The following CACNA1H variants were observed in gnomAD, a reference collection of about 807,000 sequenced individuals.
CACNA1H encodes calcium voltage-gated channel subunit alpha1 H, also known as voltage-dependent T-type calcium channel subunit alpha-1H.
A neutral mutation model predicts 192.5 loss-of-function variants in CACNA1H; 149 were observed. The ratio of observed to expected loss-of-function variants is 0.77; its 90% CI spans 0.68 to 0.89. The LOEUF is 0.89. Among genes scored for constraint, CACNA1H ranks in the 40% least tolerant of loss-of-function variants. The probability of loss-of-function intolerance (pLI) is 0.00; values close to 1 mark genes in which losing one functional copy is unlikely to be tolerated. For missense variants in CACNA1H, 4,257 were observed against 3,423.5 expected (o/e 1.24, Z -6.08); for synonymous variants, 2,202 against 1,475.2 (o/e 1.49, Z -11.29).
In CACNA1H at chr16:1,204,356, C is replaced by T. The variant is rs367722258; in HGVS notation, c.2349C>T (p.Ser783=). Residue 783 remains serine, a synonymous_variant, in exon 10 of 35, where the codon AGC becomes AGT. Transcript: ENST00000348261. ...GWMGRLWVTF[S]GKLRRIVDSK... is the part of the protein sequence containing the mutation. ...TGGGCCGCCTCTGGGTTACCTTCAG[C>T]GGCAAGCTGCGCCGCATCGTGGACA... The T allele has an allele frequency of 8.2e-5, 129 of 1,577,238 alleles. No homozygotes were observed. Among genetic ancestry groups the T allele is most frequent in the African/African-American group, 5.4e-4 (40 of 74,056 alleles).
intron 9 of CACNA1H, 58 bp from the exon 10 acceptor site, chr16:1,203,952 G>A (rs897327793): frequency 3.2e-5 from 43 of 1,330,422 alleles, no homozygotes; most frequent in Admixed American, 7.4e-5. Flanking sequence ...GAGGGTTCCC[G>A]GGCCCTTGTG....
In CACNA1H at chr16:1,195,947, C is replaced by T. The variant is rs1175587489; in HGVS notation, c.567C>T (p.Asp189=). ...VVAGMMEYSL[D]GHNVSLSAIR... ...CCAGCATGATGGAGTACTCGTTGGA[C>T]GGACACAACGTGAGCCTCTCGGCTA... The change falls in exon 5 of 35, where the codon GAC becomes GAT. Residue 189 remains aspartate, a synonymous_variant. Transcript: ENST00000348261. The T allele has an allele frequency of 6.2e-7, 1 of 1,613,064 alleles. No individual in the cohort carries two copies. Among genetic ancestry groups the T allele is most frequent in the Non-Finnish European group, 8.5e-7 (1 of 1,179,780 alleles).
In CACNA1H at chr16:1,204,140, G is replaced by C. The variant is rs560783884; in HGVS notation, c.2133G>C (p.Glu711Asp). The C allele has an allele frequency of 4.3e-6, 7 of 1,612,330 alleles. No homozygotes were observed. Among genetic ancestry groups the C allele is most frequent in the Non-Finnish European group, 5.9e-6 (7 of 1,179,770 alleles). The change falls in exon 10 of 35, where the codon GAG becomes GAC. Residue 711 changes from glutamate (E) to aspartate (D), a missense_variant. Physicochemically the swap from Glu to Asp is conservative, Grantham distance 45. Transcript: ENST00000348261. ...PYCTRALEDP[E>D]GELSGSESGD... ...GCACCCGTGCCCTGGAGGACCCGGA[G>C]GGTGAGCTCAGCGGCTCGGAAAGTG...
chr16:1,197,154 C>T (rs940835606), intron 5 of CACNA1H, among the ~76,000 whole-genome samples: 1 of 152,222 alleles, frequency 6.6e-6, no homozygotes, highest in East Asian at 1.9e-4. Flanking sequence ...CCTGCCTTGG[C>T]TCTACTGTGT....
At chr16:1,194,354 C>T (rs1966842193) in intron 2 of CACNA1H, among the ~76,000 whole-genome samples, 1 of 152,196 alleles carries the variant, frequency 6.6e-6, no homozygotes, top group Non-Finnish European at 1.5e-5. Context: ...CCTCCTGGGT[C>T]CACAGTCAGC....
At chr16:1,211,669 C>T (rs752683235) in intron 23 of CACNA1H, 47 bp from the exon 24 acceptor site, 31 of 1,609,882 alleles carry the variant, frequency 1.9e-5, no homozygotes, top group East Asian at 1.1e-4. Flanking sequence ...AGAGGGCCGG[C>T]GACCCCAGCT....
Position 1,177,294 on chromosome 16 carries a change from G to A in CACNA1H, c.300-17678G>A, listed in dbSNP as rs372104029. ...TCCAGGGCCGGGTCCCCTGCTGCCC[G>A]GGCCTCAGCCCCGGCTCTGACATTT... On this transcript the variant is annotated intron_variant, in intron 2 of 34. Coordinates refer to ENST00000348261, the MANE Select transcript of CACNA1H (RefSeq NM_021098.3). Among the ~76,000 whole-genome samples the A allele has an allele frequency of 3.7e-4, 56 of 152,338 alleles. No individual in the cohort carries two copies. In the East Asian group the frequency reaches 9.5e-3, roughly 26 times the overall value.
In CACNA1H at chr16:1,202,823, G is replaced by A. The variant is rs1037525130; in HGVS notation, c.2002+371G>A. On this transcript the variant is annotated intron_variant, in intron 9 of 34. Coordinates refer to ENST00000348261, the MANE Select transcript of CACNA1H (RefSeq NM_021098.3). ...GACGCTTCCCTGGAGGACGTGCAGC[G>A]TCCTTCGTGGCCATTGAGGCTGGCC... 5.9e-5 allele frequency among the ~76,000 whole-genome samples: 9 copies of A among 152,236 alleles called. No homozygotes were observed. The South Asian group carries it at 8.3e-4, about 14-fold the overall frequency.
chr16:1,165,245 C>T (rs918535850), intron 2 of CACNA1H, among the ~76,000 whole-genome samples: 4 of 152,178 alleles, frequency 2.6e-5, no homozygotes, highest in Admixed American at 1.3e-4. Flanking sequence ...GAGGAACATT[C>T]TAGAAGCCAG....
chr16:1,194,163 G>A (rs987375695), intron 2 of CACNA1H, among the ~76,000 whole-genome samples: 2 of 152,044 alleles, frequency 1.3e-5, no homozygotes, highest in South Asian at 4.2e-4. Flanking sequence ...CAGAGCCAGG[G>A]GTGGGGGCGG....
intron 2 of CACNA1H, among the ~76,000 whole-genome samples, chr16:1,158,565 G>A (rs1962745257): frequency 1.3e-5 from 2 of 152,340 alleles, no homozygotes; most frequent in African/African-American, 4.8e-5. Flanking sequence ...TGGGCGTGAC[G>A]CCAGCAGGCT....
chr16:1,203,944 G>A, intron 9 of CACNA1H, 66 bp from the exon 10 acceptor site: 1 of 1,248,198 alleles, frequency 8.0e-7, no homozygotes, highest in South Asian at 1.5e-5. Flanking sequence ...CTGTGTGTGA[G>A]GGTTCCCGGG....
chr16:1,214,922 A>G (rs775715128), intron 27 of CACNA1H, 50 bp from the exon 28 acceptor site: 3 of 1,356,426 alleles, frequency 2.2e-6, no homozygotes, highest in Non-Finnish European at 3.1e-6. Context: ...GCCAGGGGGA[A>G]GAGGGGTGGC....
At chr16:1,169,469 G>A (rs1412002965) in intron 2 of CACNA1H, among the ~76,000 whole-genome samples, 2 of 152,198 alleles carry the variant, frequency 1.3e-5, no homozygotes, top group Admixed American at 6.5e-5. Flanking sequence ...CCCCCGCGAC[G>A]TTCCCCCAAG....
chr16:1,213,238 C>T (rs770759703), intron 26 of CACNA1H, among the ~76,000 whole-genome samples: 3 of 152,224 alleles, frequency 2.0e-5, no homozygotes, highest in East Asian at 1.9e-4. Context: ...ACACTCTCGT[C>T]TCTGCTCCAG....
intron 2 of CACNA1H, among the ~76,000 whole-genome samples, chr16:1,183,941 C>T (rs557471142): frequency 1.9e-4 from 29 of 152,364 alleles, no homozygotes; most frequent in African/African-American, 6.0e-4. Context: ...GCCCTGGAGC[C>T]GTGTCCATGC....
Position 1,159,370 on chromosome 16 carries a change from G to A in CACNA1H, c.299+5334G>A, listed in dbSNP as rs544937416. 3.9e-5 allele frequency among the ~76,000 whole-genome samples: 6 copies of A among 152,206 alleles called. No homozygotes were observed. In the South Asian group the frequency reaches 8.3e-4, roughly 21 times the overall value. On this transcript the variant is annotated intron_variant, in intron 2 of 34. Coordinates refer to ENST00000348261, the MANE Select transcript of CACNA1H (RefSeq NM_021098.3). ...GGATGGGGTGTGCCGAGGGAAGAAC[G>A]TCCAGGCAGGGGGACAGTGCAGGCC...
chr16:1,203,254 G>A (rs1310380078), intron 9 of CACNA1H, among the ~76,000 whole-genome samples: 1 of 152,194 alleles, frequency 6.6e-6, no homozygotes, highest in African/African-American at 2.4e-5. Context: ...AAGACAGCAC[G>A]AAAACATCAC....
rs780400494 is a variant in CACNA1H at position 1,219,995 on chromosome 16, C to T, written c.6063C>T (p.Thr2021=). Residue 2021 remains threonine, a synonymous_variant, in exon 35 of 35, where the codon ACC becomes ACT. Transcript: ENST00000348261. ...CGCCCCCACAGGAGGCTGTGCACAC[C>T]GATTCCTTGGAAGGGAAGATTGACA... ...RLLCRQEAVH[T]DSLEGKIDSP... The T allele has an allele frequency of 1.3e-5, 17 of 1,342,716 alleles. No homozygotes were observed. The highest frequency in any genetic ancestry group is 5.9e-5 in the East Asian group (2 of 33,832). 83.2% of individuals were successfully genotyped at this position (1,342,716 alleles called of 1,614,324 possible).
Sources: gnomAD v4.1 joint callset for allele counts (sites outside exome capture counted in the v4.1 genomes callset) on GRCh38, gnomAD v4.1.1 for gene constraint, MANE v1.5 for transcripts, NCBI Gene and HGNC (gene_info 2026-07-23, HGNC 2026-07-21) for gene names.